Variants in UGP2 observed in about 807,000 individuals in gnomAD.
UGP2 encodes UTP--glucose-1-phosphate uridylyltransferase.
Under a neutral mutation model 49.0 loss-of-function variants are expected in UGP2, and 40 were observed. That is an observed-to-expected ratio of 0.82 (90% CI 0.63 to 1.06). UGP2 has a LOEUF of 1.06. Among genes scored for constraint, UGP2 ranks in the 50% least tolerant of loss-of-function variants. The pLI is 0.00. For missense variants in UGP2, 460 were observed against 603.5 expected (o/e 0.76, Z 2.49); for synonymous variants, 225 against 213.0 (o/e 1.06, Z -0.49).
intron 4 of UGP2, among the ~76,000 whole-genome samples, chr2:63,883,754 G>A (rs997462497): frequency 2.6e-5 from 4 of 152,154 alleles, no homozygotes; most frequent in African/African-American, 9.7e-5. Context: ...TATCTCAGAG[G>A]GTAGTGATTT....
At chr2:63,889,814 CT>C in intron 8 of UGP2, 1 of 261,344 alleles carries the variant, frequency 3.8e-6, no homozygotes, top group Non-Finnish European at 7.1e-6. Context: ...TGTTGATTAT[CT>C]TTAAAAAAAA....
Position 63,845,881 on chromosome 2 carries a change from G to A in UGP2, c.19+3677G>A, listed in dbSNP as rs572928960. On this transcript the variant is annotated intron_variant, in intron 1 of 9. Coordinates refer to ENST00000337130, the MANE Select transcript of UGP2 (RefSeq NM_006759.4). Reference sequence around the variant, plus strand: ...ATCTCCATCCTCAAGCATATTGACCGTAAACTATTAGGTGGAAATGTTCAA... The same window carrying A: ...ATCTCCATCCTCAAGCATATTGACCATAAACTATTAGGTGGAAATGTTCAA... 3.3e-5 allele frequency among the ~76,000 whole-genome samples: 5 copies of A among 152,224 alleles called. No homozygotes were observed. In the South Asian group the frequency reaches 6.2e-4, roughly 19 times the overall value.
At chr2:63,879,019 AAG>A (rs1491084104) in intron 3 of UGP2, among the ~76,000 whole-genome samples, 2 of 151,982 alleles carry the variant, frequency 1.3e-5, no homozygotes, top group African/African-American at 4.8e-5. Flanking sequence ...AAAAAAAAAA[AAG>A]TTCCTGTTAG....
intron 3 of UGP2, among the ~76,000 whole-genome samples, chr2:63,871,970 C>T (rs917542127): frequency 3.3e-5 from 5 of 152,198 alleles, no homozygotes; most frequent in Admixed American, 6.5e-5. Flanking sequence ...ATAGGCCATA[C>T]AATTTGGGGA....
intron 3 of UGP2, among the ~76,000 whole-genome samples, chr2:63,860,286 G>C (rs1302477453): frequency 1.3e-5 from 2 of 152,186 alleles, no homozygotes; most frequent in African/African-American, 4.8e-5. Context: ...TTTTGTGTAT[G>C]AGTTGACAAT....
At chr2:63,852,921 A>G (rs541737620) in intron 1 of UGP2, among the ~76,000 whole-genome samples, 1 of 152,260 alleles carries the variant, frequency 6.6e-6, no homozygotes, top group Non-Finnish European at 1.5e-5. Context: ...CATATTTTGG[A>G]CATGTTGAGT....
At chr2:63,843,453 C>T (rs1671720231) in intron 1 of UGP2, among the ~76,000 whole-genome samples, 1 of 152,104 alleles carries the variant, frequency 6.6e-6, no homozygotes, top group Admixed American at 6.5e-5. Flanking sequence ...ATTCAGTTAC[C>T]ATAAAGGCGG....
intron 3 of UGP2, among the ~76,000 whole-genome samples, chr2:63,860,918 TA>T (rs1316655706): frequency 6.6e-6 from 1 of 152,062 alleles, no homozygotes; most frequent in Non-Finnish European, 1.5e-5. Flanking sequence ...ATTTTATAGA[TA>T]GGCATTGAAA....
At chr2:63,843,294 A>C (rs1049683370) in intron 1 of UGP2, among the ~76,000 whole-genome samples, 10 of 152,224 alleles carry the variant, frequency 6.6e-5, no homozygotes, top group Non-Finnish European at 8.8e-5. Context: ...TTTAGCGCTA[A>C]GCTCAGAAAT....
At position 63,858,675 on chromosome 2, in the gene UGP2, T is replaced by G. The variant is rs72808227; in HGVS notation, c.255+739T>G. Among the ~76,000 whole-genome samples the G allele has an allele frequency of 6.0e-3, 906 of 152,236 alleles. 7 individuals carry two copies. Among genetic ancestry groups the G allele is most frequent in the Non-Finnish European group, 9.8e-3 (663 of 67,996 alleles). ...TTAGGGTCTATTTTGGTCTTTAATT[T>G]CCTTGACCCTAGTGAATGAATTGTG... On this transcript the variant is annotated intron_variant, in intron 3 of 9. Transcript: ENST00000337130.
chr2:63,851,627 T>TC (rs1669048294), intron 1 of UGP2, among the ~76,000 whole-genome samples: 1 of 152,222 alleles, frequency 6.6e-6, no homozygotes, highest in Admixed American at 6.5e-5. Flanking sequence ...CTACTTTTTT[T>TC]CTCATTTCTG....
intron 1 of UGP2, among the ~76,000 whole-genome samples, chr2:63,853,113 A>C (rs1669149164): frequency 6.6e-6 from 1 of 152,048 alleles, no homozygotes; most frequent in Admixed American, 6.5e-5. Context: ...ATCTCAGGAG[A>C]GGAAAGGAGG....
chr2:63,887,374 T>C, intron 7 of UGP2, 28 bp from the exon 8 acceptor site: 1 of 1,612,814 alleles, frequency 6.2e-7, no homozygotes, highest in Non-Finnish European at 8.5e-7. Flanking sequence ...ACCTCTGTTT[T>C]CTATTCCCCA....
chr2:63,848,708 T>G (rs957545782), intron 1 of UGP2, among the ~76,000 whole-genome samples: 2 of 152,218 alleles, frequency 1.3e-5, no homozygotes, highest in Non-Finnish European at 2.9e-5. Flanking sequence ...TGTCCTTCTA[T>G]TAATAACAAG....
In UGP2 at chr2:63,884,084, A is replaced by G; in HGVS notation, c.566A>G (p.Asn189Ser). The change falls in exon 5 of 10, where the codon AAT becomes AGT. Residue 189 changes from asparagine to serine, a missense_variant. By Grantham distance (46) the Asn-to-Ser change is conservative (BLOSUM62 1). Coordinates refer to ENST00000337130, the MANE Select transcript of UGP2 (RefSeq NM_006759.4). ...NHCRVKIYTF[N>S]QSRYPRINKE... ...TGTCGTGTGAAAATCTACACTTTCA[A>G]TCAAAGCAGGTACAATGAGTAAAAA... 2 of 1,612,506 alleles carry G rather than the reference A, an allele frequency of 1.2e-6. No homozygotes were observed. The highest frequency in any genetic ancestry group is 1.7e-6 in the Non-Finnish European group (2 of 1,179,696).
Position 63,891,285 on chromosome 2 carries a change from T to C in UGP2, c.*58T>C. The C allele has an allele frequency of 6.9e-7, 1 of 1,442,428 alleles. No individual in the cohort carries two copies. The highest frequency in any genetic ancestry group is 1.2e-5 in the South Asian group (1 of 84,212). The allele number at this position is 1,442,428 out of a possible 1,614,324, so 89.4% of individuals were successfully genotyped here. On this transcript the variant is annotated 3_prime_UTR_variant, in exon 10 of 10. Coordinates refer to ENST00000337130, the MANE Select transcript of UGP2 (RefSeq NM_006759.4). ...GCTAGTTTCTTACAATGAAATGTTC[T>C]CTAGGATTCTAAAATAGGCAGGTAC...
At chr2:63,861,412 G>A (rs1669835921) in intron 3 of UGP2, among the ~76,000 whole-genome samples, 1 of 151,920 alleles carries the variant, frequency 6.6e-6, no homozygotes, top group African/African-American at 2.4e-5. Flanking sequence ...ACCTGTTGAA[G>A]TCACATGGCT....
chr2:63,876,878 ATTACATTTTAAAT>A (rs1670942296), intron 3 of UGP2, among the ~76,000 whole-genome samples: 1 of 152,258 alleles, frequency 6.6e-6, no homozygotes, highest in Non-Finnish European at 1.5e-5. Flanking sequence ...AGTATTCAGA[ATTACATTTTAAAT>A]TCAAACTCAG....
intron 3 of UGP2, among the ~76,000 whole-genome samples, chr2:63,865,640 G>A (rs1008659236): frequency 6.6e-5 from 10 of 150,914 alleles, no homozygotes; most frequent in Non-Finnish European, 8.8e-5. Flanking sequence ...GTGAACTCAA[G>A]GGATCCTCTT....
Sources: allele counts gnomAD v4.1 joint callset (sites outside exome capture counted in the v4.1 genomes callset), GRCh38; gene constraint gnomAD v4.1.1; transcripts MANE v1.5; gene names NCBI Gene and HGNC (gene_info 2026-07-23, HGNC 2026-07-21).